The following FRMD4A variants were observed in gnomAD, a reference collection of about 807,000 sequenced individuals.
FRMD4A encodes FERM domain containing 4A, also known as FERM domain-containing protein 4A.
In FRMD4A, 29 loss-of-function variants were observed where a neutral mutation model predicts 129.1. That is an observed-to-expected ratio of 0.22 (90% CI 0.17 to 0.31). The LOEUF is 0.31. Ranked by LOEUF, FRMD4A falls within the 10% of genes least tolerant of loss-of-function variation. The probability of loss-of-function intolerance (pLI) is 1.00; values close to 1 mark genes in which losing one functional copy is unlikely to be tolerated. For missense variants in FRMD4A, 1,272 were observed against 1,375.8 expected (o/e 0.92, Z 1.19); for synonymous variants, 634 against 571.6 (o/e 1.11, Z -1.56).
chr10:14,295,653 C>T (rs1008936283), intron 2 of FRMD4A, among the ~76,000 whole-genome samples: 2 of 152,106 alleles, frequency 1.3e-5, no homozygotes, highest in East Asian at 1.9e-4. Flanking sequence ...GAGGGGATGG[C>T]GCTTACAAAA....
At chr10:13,984,663 C>G (rs2095574603) in intron 2 of FRMD4A, among the ~76,000 whole-genome samples, 1 of 152,190 alleles carries the variant, frequency 6.6e-6, no homozygotes, top group South Asian at 2.1e-4. Context: ...TTTCACTCAG[C>G]ATAAGGTGCT....
intron 2 of FRMD4A, among the ~76,000 whole-genome samples, chr10:13,971,108 G>T (rs1037668488): frequency 6.6e-6 from 1 of 151,948 alleles, no homozygotes; most frequent in Non-Finnish European, 1.5e-5. Context: ...ACACACACAC[G>T]TGCACACATG....
intron 2 of FRMD4A, among the ~76,000 whole-genome samples, chr10:14,072,409 C>T (rs548669795): frequency 2.0e-4 from 30 of 152,280 alleles, no homozygotes; most frequent in South Asian, 1.5e-3. Context: ...ACATATCCTC[C>T]GTCCTTCTAC....
At chr10:13,891,770 T>TCCCCGCCGCCGC in intron 2 of FRMD4A, 3 of 973,696 alleles carry the variant, frequency 3.1e-6, no homozygotes, top group South Asian at 4.8e-5. Context: ...CCCCGCCCCG[T>TCCCCGCCGCCGC]CCCCGCCGCC....
At chr10:14,044,490 C>A (rs570384729) in intron 2 of FRMD4A, among the ~76,000 whole-genome samples, 9 of 152,310 alleles carry the variant, frequency 5.9e-5, no homozygotes, top group Non-Finnish European at 1.2e-4. Flanking sequence ...ATATGACTAG[C>A]CCTTCTACGA....
At chr10:14,125,912 C>A (rs1838814433) in intron 2 of FRMD4A, among the ~76,000 whole-genome samples, 1 of 146,166 alleles carries the variant, frequency 6.8e-6, no homozygotes, top group South Asian at 2.1e-4. Context: ...AAACAGGGTA[C>A]AACACAGTAT....
chr10:14,049,723 C>T (rs1001538199), intron 2 of FRMD4A, among the ~76,000 whole-genome samples: 2 of 152,180 alleles, frequency 1.3e-5, no homozygotes, highest in African/African-American at 2.4e-5. Context: ...GGCATGGTGG[C>T]GCTCGCCTAG....
rs188694557 is a variant in FRMD4A at position 13,824,177 on chromosome 10, C to T, written c.112-13269G>A. Reference sequence around the variant, plus strand: ...TTCAACCAACCATGGATCAAAAATACTTAAAAACAAAAAAACCAGGCTGGG... The same window carrying T: ...TTCAACCAACCATGGATCAAAAATATTTAAAAACAAAAAAACCAGGCTGGG... On this transcript the variant is annotated intron_variant, in intron 3 of 24. Coordinates refer to ENST00000357447, the MANE Select transcript of FRMD4A (RefSeq NM_018027.5). Among the ~76,000 whole-genome samples the T allele has an allele frequency of 3.2e-3, 483 of 152,036 alleles. 4 individuals carry two copies. The highest frequency in any genetic ancestry group is 0.011 in the African/African-American group (458 of 41,480).
chr10:13,868,753 C>G (rs1026182945), intron 2 of FRMD4A, among the ~76,000 whole-genome samples: 2 of 152,078 alleles, frequency 1.3e-5, no homozygotes, highest in Non-Finnish European at 2.9e-5. Context: ...GAACTGAGAT[C>G]AGGCCACTGC....
intron 2 of FRMD4A, among the ~76,000 whole-genome samples, chr10:13,917,329 C>G (rs1178448800): frequency 7.0e-6 from 1 of 143,014 alleles, no homozygotes; most frequent in Non-Finnish European, 1.5e-5. Context: ...GTCGCCCAGT[C>G]TGGAGTACAG....
chr10:13,972,874 T>C (rs987078501), intron 2 of FRMD4A, among the ~76,000 whole-genome samples: 2 of 152,214 alleles, frequency 1.3e-5, no homozygotes, highest in African/African-American at 4.8e-5. Context: ...TGAAAAATCA[T>C]GGTAAGTCAT....
chr10:14,195,336 A>C (rs933745830), intron 2 of FRMD4A, among the ~76,000 whole-genome samples: 7 of 152,172 alleles, frequency 4.6e-5, no homozygotes, highest in Non-Finnish European at 1.0e-4. Context: ...GGAATTTAAA[A>C]AGAATAAAAC....
chr10:13,976,261 TGCACATTGGGGAAGG>T (rs1313767350), intron 2 of FRMD4A, among the ~76,000 whole-genome samples: 3 of 152,178 alleles, frequency 2.0e-5, no homozygotes, highest in Non-Finnish European at 4.4e-5. Context: ...GTCCTGGGAT[TGCACATTGGGGAAGG>T]GAACTTGGGC....
chr10:13,789,250 C>A (rs950435310), intron 5 of FRMD4A, among the ~76,000 whole-genome samples: 11 of 152,084 alleles, frequency 7.2e-5, no homozygotes, highest in Admixed American at 4.6e-4. Context: ...ATTGTTATTG[C>A]GAGTGACAGG....
At chr10:14,035,135 G>T (rs1203805271) in intron 2 of FRMD4A, among the ~76,000 whole-genome samples, 1 of 152,188 alleles carries the variant, frequency 6.6e-6, no homozygotes. Context: ...AAAATAGACT[G>T]GGCACGGTGG....
At chr10:14,181,942 C>T (rs375580325) in intron 2 of FRMD4A, among the ~76,000 whole-genome samples, 7 of 152,198 alleles carry the variant, frequency 4.6e-5, no homozygotes, top group East Asian at 3.8e-4. Context: ...CTGCCCGTCT[C>T]GGCCTCCCAA....
intron 2 of FRMD4A, among the ~76,000 whole-genome samples, chr10:13,915,322 G>A (rs959068948): frequency 1.3e-5 from 2 of 152,022 alleles, no homozygotes; most frequent in African/African-American, 4.8e-5. Context: ...GATTAGATGT[G>A]TTAAGTGCTG....
chr10:13,656,792 G>C lies in FRMD4A; in HGVS notation c.2797C>G (p.Gln933Glu). ...TCCTTGTGCGAGGCGGTGGAACGCTGGTACCACTGGCGCAGCTCGTCTGAG... is the reference window on the plus strand; with the variant it reads ...TCCTTGTGCGAGGCGGTGGAACGCTCGTACCACTGGCGCAGCTCGTCTGAG... ...AVSDELRQWY[Q>E]RSTASHKEHS... Residue 933 changes from glutamine (Q) to glutamate (E), a missense_variant, in exon 22 of 25, where the codon CAG becomes GAG. Coordinates refer to ENST00000357447, the MANE Select transcript of FRMD4A (RefSeq NM_018027.5). 6.3e-7 allele frequency: 1 copy of C among 1,592,366 alleles called. No individual in the cohort carries two copies. Among genetic ancestry groups the C allele is most frequent in the East Asian group, 2.4e-5 (1 of 42,482 alleles).
At chr10:13,925,580 T>C (rs1366686450) in intron 2 of FRMD4A, among the ~76,000 whole-genome samples, 1 of 52,294 alleles carries the variant, frequency 1.9e-5, no homozygotes, top group Non-Finnish European at 4.1e-5. Context: ...TTTTTTTTTT[T>C]TTTTTTTTTT....
Sources: allele counts gnomAD v4.1 joint callset (sites outside exome capture counted in the v4.1 genomes callset), GRCh38; gene constraint gnomAD v4.1.1; transcripts MANE v1.5; gene names NCBI Gene and HGNC (gene_info 2026-07-23, HGNC 2026-07-21).